The following SS18 variants were observed in gnomAD, a reference collection of about 807,000 sequenced individuals.
SS18 encodes protein SSXT.
SS18 carries 28 observed loss-of-function variants against 72.5 expected under a neutral mutation model. That is an observed-to-expected ratio of 0.39 (90% CI 0.29 to 0.53). The LOEUF is 0.53. Among genes scored for constraint, SS18 ranks in the 20% least tolerant of loss-of-function variants. The pLI, the probability that SS18 is intolerant of heterozygous loss-of-function variation, is 0.76. For missense variants in SS18, 518 were observed against 535.3 expected (o/e 0.97, Z 0.32); for synonymous variants, 172 against 164.2 (o/e 1.05, Z -0.37).
chr18:26,027,323 T>C (rs73401865), intron 10 of SS18, among the ~76,000 whole-genome samples: 1,780 of 152,112 alleles, frequency 0.012, 26 homozygotes, highest in African/African-American at 0.041. Context: ...AACTGATTTT[T>C]TGCAAAGGTA....
intron 4 of SS18, among the ~76,000 whole-genome samples, chr18:26,054,284 G>A (rs1472875958): frequency 1.3e-5 from 2 of 152,056 alleles, no homozygotes; most frequent in East Asian, 3.8e-4. Flanking sequence ...CAGAACTGAT[G>A]GATATTACTA....
chr18:26,069,467 T>C (rs2054274831), intron 3 of SS18, among the ~76,000 whole-genome samples: 1 of 148,906 alleles, frequency 6.7e-6, no homozygotes, highest in African/African-American at 2.5e-5. Flanking sequence ...AAGAAGCTTT[T>C]GAAATACTGT....
chr18:26,056,405 A>G (rs1049167220), intron 4 of SS18, among the ~76,000 whole-genome samples: 10 of 152,350 alleles, frequency 6.6e-5, no homozygotes, highest in Middle Eastern at 3.4e-3. Flanking sequence ...CTTGACTACA[A>G]TATGACTACA....
rs542203058 is a variant in SS18 at position 26,090,531 on chromosome 18, C to T, written c.39G>A (p.Lys13=). 67 of 1,588,194 alleles carry T rather than the reference C, an allele frequency of 4.2e-5. No individual in the cohort carries two copies. In the South Asian group the frequency reaches 7.4e-4, roughly 17 times the overall value. ...VAFAAPRQRG[K]GEITPAAIQK... ...GAATCGCAGCGGGAGTGATCTCCCC[C>T]TTGCCTCGCTGCCTCGGGGCCGCGA... Residue 13 remains lysine, a synonymous_variant, in exon 1 of 11, where the codon AAG becomes AAA. Coordinates refer to ENST00000415083, the MANE Select transcript of SS18 (RefSeq NM_001007559.3).
At chr18:26,050,586 C>T (rs2053904135) in intron 5 of SS18, among the ~76,000 whole-genome samples, 2 of 152,008 alleles carry the variant, frequency 1.3e-5, no homozygotes, top group South Asian at 4.1e-4. Context: ...GATTAAAAAA[C>T]TAGGTGCTGC....
Position 26,075,694 on chromosome 18 carries a change from C to T in SS18, c.231+2382G>A, listed in dbSNP as rs548172383. 3.3e-5 allele frequency among the ~76,000 whole-genome samples: 5 copies of T among 151,964 alleles called. No individual in the cohort carries two copies. The East Asian group carries it at 9.7e-4, about 29-fold the overall frequency. Reference sequence around the variant, plus strand: ...AACAAGACAAGGATGTCCTCTATCACCACTTCTATTCAGGAATGTAATGGA... The same window carrying T: ...AACAAGACAAGGATGTCCTCTATCATCACTTCTATTCAGGAATGTAATGGA... On this transcript the variant is annotated intron_variant, in intron 3 of 10. Coordinates refer to ENST00000415083, the MANE Select transcript of SS18 (RefSeq NM_001007559.3).
rs148515889 is a variant in SS18 at position 26,066,600 on chromosome 18, G to GCGCACACACA, written c.232-8859_232-8858insTGTGTGTGCG. On this transcript the variant is annotated intron_variant, in intron 3 of 10. Coordinates refer to ENST00000415083, the MANE Select transcript of SS18 (RefSeq NM_001007559.3). ...TTTTAATATAGTTCTGGAAATTTGT[G>GCGCACACACA]CACACACACACACACACACACACAC... 3.6e-4 allele frequency among the ~76,000 whole-genome samples: 52 copies of GCGCACACACA among 144,434 alleles called. 1 individual carries two copies. The highest frequency in any genetic ancestry group is 1.3e-3 in the African/African-American group (49 of 39,014). 94.8% of individuals were successfully genotyped at this position (144,434 alleles called of 152,430 possible).
Position 26,052,835 on chromosome 18 carries a change from A to AT in SS18, c.395dup (p.His132GlnfsTer25). 1 of 1,614,106 alleles carries AT rather than the reference A, an allele frequency of 6.2e-7. No homozygotes were observed. The highest frequency in any genetic ancestry group is 8.5e-7 in the Non-Finnish European group (1 of 1,179,946). ...TGGGTCCAGGTCCCTGCATAGGCATATGGTTAGGCCCTTTGAAGAAAAATG... is the reference window on the plus strand; with the variant it reads ...TGGGTCCAGGTCCCTGCATAGGCATATTGGTTAGGCCCTTTGAAGAAAAATG... On this transcript the variant is annotated frameshift_variant, in exon 5 of 11. Transcript: ENST00000415083. LOFTEE classifies it high-confidence loss of function.
intron 5 of SS18, among the ~76,000 whole-genome samples, chr18:26,048,615 C>T (rs1423978534): frequency 3.3e-5 from 5 of 152,124 alleles, no homozygotes; most frequent in Non-Finnish European, 7.3e-5. Context: ...ATGCTCTTTG[C>T]CCTTCATACT....
At chr18:26,024,317 GTGGTGA>G (rs1224165734) in intron 10 of SS18, among the ~76,000 whole-genome samples, 1 of 151,220 alleles carries the variant, frequency 6.6e-6, no homozygotes, top group African/African-American at 2.5e-5. Flanking sequence ...AAATTAGAGG[GTGGTGA>G]TGGCTGCACT....
At chr18:26,080,456 AG>A in intron 2 of SS18, 6 of 819,522 alleles carry the variant, frequency 7.3e-6, no homozygotes, top group Non-Finnish European at 8.8e-6. Flanking sequence ...CATGTTGATT[AG>A]TACTTGACAA....
At chr18:26,036,215 AAG>A (rs1178628534) in intron 7 of SS18, among the ~76,000 whole-genome samples, 4 of 152,192 alleles carry the variant, frequency 2.6e-5, no homozygotes, top group Non-Finnish European at 4.4e-5. Context: ...TAAAAAAACA[AAG>A]AGAATAAAAG....
At chr18:26,061,052 G>A (rs1359417867) in intron 3 of SS18, among the ~76,000 whole-genome samples, 3 of 152,108 alleles carry the variant, frequency 2.0e-5, no homozygotes, top group African/African-American at 7.2e-5. Flanking sequence ...GGTGGCCCAC[G>A]CCTGTAATCC....
chr18:26,022,609 G>A (rs1183678432), intron 10 of SS18, among the ~76,000 whole-genome samples: 1 of 152,170 alleles, frequency 6.6e-6, no homozygotes, highest in African/African-American at 2.4e-5. Flanking sequence ...AAGGGGAACT[G>A]AGGCTGAGTC....
rs1050282083 is a variant in SS18 at position 26,018,344 on chromosome 18, A to T, written c.*10T>A. 1 of 1,598,874 alleles carries T rather than the reference A, an allele frequency of 6.3e-7. No individual in the cohort carries two copies. The highest frequency in any genetic ancestry group is 8.6e-7 in the Non-Finnish European group (1 of 1,166,794). ...TAATAGATACTGGCTACTGGAATGT[A>T]AGTACTTTTTCACTGCTGGTAATTT... On this transcript the variant is annotated 3_prime_UTR_variant, in exon 11 of 11. Coordinates refer to ENST00000415083, the MANE Select transcript of SS18 (RefSeq NM_001007559.3).
Position 26,035,176 on chromosome 18 carries a change from G to GT in SS18, c.974-50dup. 1 of 1,599,620 alleles carries GT rather than the reference G, an allele frequency of 6.3e-7. No homozygotes were observed. The highest frequency in any genetic ancestry group is 8.5e-7 in the Non-Finnish European group (1 of 1,171,502). On this transcript the variant is annotated intron_variant, in intron 8 of 10. Coordinates refer to ENST00000415083, the MANE Select transcript of SS18 (RefSeq NM_001007559.3). The surrounding 1 kb of genome is among the most constrained non-coding windows in gnomAD (Gnocchi z 4.4). The stretch of plus-strand genomic sequence containing the variant: ...AAAAAAAACTGAGAAGTCTGCTTAA[G>GT]TAACTTTTTTCCCTCTAAGATGCAT...
intron 2 of SS18, among the ~76,000 whole-genome samples, chr18:26,083,689 G>C (rs533022155): frequency 2.4e-4 from 36 of 152,262 alleles, no homozygotes; most frequent in African/African-American, 8.4e-4. Context: ...GGGTATTATA[G>C]TACAAATATG....
chr18:26,039,178 A>AG, intron 6 of SS18, 111 bp downstream of exon 6: 5 of 803,108 alleles, frequency 6.2e-6, no homozygotes, highest in Non-Finnish European at 5.2e-6. Context: ...CAAAAAAAAA[A>AG]AAAAAAAAAA....
intron 5 of SS18, among the ~76,000 whole-genome samples, chr18:26,042,063 A>G (rs979255798): frequency 6.6e-6 from 1 of 152,162 alleles, no homozygotes; most frequent in African/African-American, 2.4e-5. Flanking sequence ...AAAAAAAATT[A>G]TGACTATGAC....
Sources: allele counts gnomAD v4.1 joint callset (sites outside exome capture counted in the v4.1 genomes callset), GRCh38; gene constraint gnomAD v4.1.1; non-coding constraint Gnocchi (gnomAD v3.1); transcripts MANE v1.5; gene names NCBI Gene and HGNC (gene_info 2026-07-23, HGNC 2026-07-21).